SPIRE1: variants seen among roughly 807,000 people sequenced by gnomAD.
SPIRE1 encodes protein spire homolog 1.
A neutral mutation model predicts 94.1 loss-of-function variants in SPIRE1; 40 were observed. The ratio of observed to expected loss-of-function variants is 0.43; its 90% CI spans 0.33 to 0.55. The LOEUF is 0.55. Ranked by LOEUF, SPIRE1 falls within the 20% of genes least tolerant of loss-of-function variation. The probability of loss-of-function intolerance (pLI) is 0.06; values close to 1 mark genes in which losing one functional copy is unlikely to be tolerated. For missense variants in SPIRE1, 838 were observed against 975.2 expected (o/e 0.86, Z 1.87); for synonymous variants, 376 against 371.7 (o/e 1.01, Z -0.13).
intron 10 of SPIRE1, among the ~76,000 whole-genome samples, chr18:12,476,342 C>A (rs1222406493): frequency 6.6e-6 from 1 of 151,578 alleles, no homozygotes; most frequent in African/African-American, 2.4e-5. Context: ...AGTTTGAGAC[C>A]AGCCTGGCCA....
intron 1 of SPIRE1, chr18:12,656,480 G>C (rs2038541299): frequency 6.5e-6 from 1 of 153,412 alleles, no homozygotes. Context: ...TGGTGGAACT[G>C]AAAGAATAAC....
In SPIRE1 at chr18:12,529,700, A is replaced by G. The variant is rs115505915; in HGVS notation, c.729+5776T>C. ...AAGATCAAAATGTTTGAAATATTCT[A>G]CCTTAATTTGGGTGATGTTTATGTG... is the stretch of plus-strand genomic sequence containing the variant. On this transcript the variant is annotated intron_variant, in intron 4 of 16. Coordinates refer to ENST00000409402, the MANE Select transcript of SPIRE1 (RefSeq NM_001128626.2). Among the ~76,000 whole-genome samples, 101 of 152,320 alleles carry G rather than the reference A, an allele frequency of 6.6e-4. 1 individual carries two copies. Among genetic ancestry groups the G allele is most frequent in the African/African-American group, 2.4e-3 (99 of 41,570 alleles).
intron 1 of SPIRE1, among the ~76,000 whole-genome samples, chr18:12,639,513 C>G (rs2038027555): frequency 6.6e-6 from 1 of 152,110 alleles, no homozygotes; most frequent in South Asian, 2.1e-4. Flanking sequence ...GCAGGTGGAT[C>G]ACGAGGTCAG....
chr18:12,567,765 T>C (rs118129250), intron 2 of SPIRE1, among the ~76,000 whole-genome samples: 260 of 152,338 alleles, frequency 1.7e-3, no homozygotes, highest in Middle Eastern at 0.01. Flanking sequence ...ATGGCTCAAG[T>C]ATGGGAATTG....
intron 10 of SPIRE1, among the ~76,000 whole-genome samples, chr18:12,474,393 C>T (rs1568192864): frequency 6.8e-6 from 1 of 146,854 alleles, no homozygotes; most frequent in African/African-American, 2.5e-5. Context: ...TCTATGAGGC[C>T]TTCAGGAGGC....
intron 2 of SPIRE1, among the ~76,000 whole-genome samples, chr18:12,581,397 C>T (rs2036252631): frequency 6.6e-6 from 1 of 152,038 alleles, no homozygotes; most frequent in African/African-American, 2.4e-5. Context: ...TGTATAATTT[C>T]CGTTTTGAAA....
rs56263373 is a variant in SPIRE1 at position 12,526,056 on chromosome 18, TACACAC to T, written c.729+9414_729+9419del. ...CAGTCTAGGGTCAGAATACTGAAGATACACACACACACACACACACACACACACACA... is the reference window on the plus strand; with the variant it reads ...CAGTCTAGGGTCAGAATACTGAAGATACACACACACACACACACACACACA... On this transcript the variant is annotated intron_variant, in intron 4 of 16. Transcript: ENST00000409402. Among the ~76,000 whole-genome samples, 40 of 122,680 alleles carry T rather than the reference TACACAC, an allele frequency of 3.3e-4. No individual in the cohort carries two copies. In the Middle Eastern group the frequency reaches 0.012, roughly 37 times the overall value. 80.5% of individuals were successfully genotyped at this position (122,680 alleles called of 152,430 possible). A position where few individuals can be genotyped will look rare whatever the true frequency, so the allele number is the denominator to read the frequency against.
At chr18:12,460,305 C>T (rs535800656) in intron 12 of SPIRE1, among the ~76,000 whole-genome samples, 188 of 152,292 alleles carry the variant, frequency 1.2e-3, no homozygotes, top group African/African-American at 4.5e-3. Context: ...GAAGGTACTG[C>T]CAACACGAGG....
chr18:12,465,390 C>A (rs2032050246), intron 10 of SPIRE1, among the ~76,000 whole-genome samples: 1 of 152,004 alleles, frequency 6.6e-6, no homozygotes, highest in South Asian at 2.1e-4. Flanking sequence ...GCCTAGCTGG[C>A]CTTGAGCTCA....
chr18:12,492,310 C>T (rs1204024191), intron 8 of SPIRE1, among the ~76,000 whole-genome samples: 3 of 152,222 alleles, frequency 2.0e-5, no homozygotes, highest in Non-Finnish European at 2.9e-5. Flanking sequence ...AGACCGTTTT[C>T]GTAAAGGCAG....
chr18:12,549,466 T>A (rs1165376750), intron 2 of SPIRE1, among the ~76,000 whole-genome samples: 13 of 127,166 alleles, frequency 1.0e-4, no homozygotes, highest in Non-Finnish European at 5.1e-5. Context: ...TTTTTTTTTT[T>A]TTTGGAGACA....
intron 2 of SPIRE1, among the ~76,000 whole-genome samples, chr18:12,562,308 A>G (rs1396088966): frequency 6.6e-6 from 1 of 152,096 alleles, no homozygotes; most frequent in Non-Finnish European, 1.5e-5. Flanking sequence ...TTTCTGAGAC[A>G]TGATCTCACT....
chr18:12,466,374 T>C (rs1237542120), intron 10 of SPIRE1, among the ~76,000 whole-genome samples: 1 of 152,046 alleles, frequency 6.6e-6, no homozygotes, highest in African/African-American at 2.4e-5. Context: ...CCTCCCGGGC[T>C]CAAGCAATTC....
chr18:12,517,719 CA>C (rs1427885510), intron 4 of SPIRE1, among the ~76,000 whole-genome samples: 2 of 152,104 alleles, frequency 1.3e-5, no homozygotes, highest in African/African-American at 4.8e-5. Flanking sequence ...ACTTAAAAAA[CA>C]AAATCTACTC....
intron 2 of SPIRE1, among the ~76,000 whole-genome samples, chr18:12,596,663 C>G (rs142813516): frequency 6.6e-6 from 1 of 151,906 alleles, no homozygotes; most frequent in African/African-American, 2.4e-5. Flanking sequence ...GGCATTGGAT[C>G]TAATTTTTTA....
At chr18:12,508,126 C>T (rs2033901222) in intron 5 of SPIRE1, among the ~76,000 whole-genome samples, 1 of 151,156 alleles carries the variant, frequency 6.6e-6, no homozygotes, top group African/African-American at 2.4e-5. Flanking sequence ...AGCCTGACGA[C>T]AGAGTGAGAT....
chr18:12,510,409 T>C (rs553797777), intron 5 of SPIRE1, among the ~76,000 whole-genome samples: 1 of 152,200 alleles, frequency 6.6e-6, no homozygotes, highest in East Asian at 1.9e-4. Context: ...AGTTAGAAAA[T>C]AATGTGACAA....
At chr18:12,454,619 C>A in intron 12 of SPIRE1, 136 bp from the exon 13 acceptor site, 2 of 721,744 alleles carry the variant, frequency 2.8e-6, no homozygotes, top group Non-Finnish European at 2.4e-6. Context: ...TGGGGCAGAG[C>A]TGGCTCCCTC....
chr18:12,561,268 A>ATTTTT (rs34495303), intron 2 of SPIRE1, among the ~76,000 whole-genome samples: 15 of 134,898 alleles, frequency 1.1e-4, no homozygotes, highest in African/African-American at 3.0e-4. Flanking sequence ...GAATAGATCA[A>ATTTTT]TTTTTTTTTT....
Sources: gnomAD v4.1 joint callset for allele counts (sites outside exome capture counted in the v4.1 genomes callset) on GRCh38, gnomAD v4.1.1 for gene constraint, MANE v1.5 for transcripts, NCBI Gene and HGNC (gene_info 2026-07-23, HGNC 2026-07-21) for gene names.